The following KCNIP4 variants were observed in gnomAD, a reference collection of about 807,000 sequenced individuals.
KCNIP4 encodes the protein potassium voltage-gated channel interacting protein 4.
In KCNIP4, 12 loss-of-function variants were observed where a neutral mutation model predicts 34.0. The observed-to-expected ratio is 0.35, with a 90% CI of 0.23 to 0.57. KCNIP4 has a LOEUF of 0.57. Ranked by LOEUF, KCNIP4 falls within the 20% of genes least tolerant of loss-of-function variation. The pLI, the probability that KCNIP4 is intolerant of heterozygous loss-of-function variation, is 0.83. For synonymous variants in KCNIP4, 124 were observed against 102.2 expected (o/e 1.21, Z -1.29); for missense variants, 238 against 311.7 (o/e 0.76, Z 1.78).
intron 1 of KCNIP4, among the ~76,000 whole-genome samples, chr4:20,938,079 T>A (rs1731259042): frequency 6.6e-6 from 1 of 152,178 alleles, no homozygotes; most frequent in African/African-American, 2.4e-5. Flanking sequence ...CTCATAAATA[T>A]ACATCTTTAA....
At chr4:20,976,803 A>C (rs1212908950) in intron 1 of KCNIP4, among the ~76,000 whole-genome samples, 2 of 152,172 alleles carry the variant, frequency 1.3e-5, no homozygotes, top group Non-Finnish European at 2.9e-5. Flanking sequence ...AGCACTCTAT[A>C]ATCATGTTTG....
intron 1 of KCNIP4, among the ~76,000 whole-genome samples, chr4:21,554,205 A>C (rs1473679068): frequency 6.6e-6 from 1 of 152,100 alleles, no homozygotes; most frequent in Non-Finnish European, 1.5e-5. Context: ...TATGGGGGAC[A>C]TGTGTTAGAG....
chr4:21,034,448 C>A lies in KCNIP4; in HGVS notation c.62-151739G>T, dbSNP rs115379848. ...TCTGTTTTGTTTCTCCTTTCAAATG[C>A]AGAGTGAATATGATTGGAATGGTCT... On this transcript the variant is annotated intron_variant, in intron 1 of 8. Coordinates refer to ENST00000382152, the MANE Select transcript of KCNIP4 (RefSeq NM_025221.6). Among the ~76,000 whole-genome samples, 139 of 152,284 alleles carry A rather than the reference C, an allele frequency of 9.1e-4. 1 individual carries two copies. Among genetic ancestry groups the A allele is most frequent in the Non-Finnish European group, 1.7e-3 (115 of 68,028 alleles).
intron 1 of KCNIP4, among the ~76,000 whole-genome samples, chr4:21,335,930 C>G (rs995307190): frequency 6.6e-6 from 1 of 152,222 alleles, no homozygotes; most frequent in East Asian, 1.9e-4. Flanking sequence ...TATTAGTACC[C>G]TCTCTACTTT....
chr4:21,573,934 T>A (rs1322751876), intron 1 of KCNIP4, among the ~76,000 whole-genome samples: 2 of 152,182 alleles, frequency 1.3e-5, no homozygotes, highest in Admixed American at 1.3e-4. Flanking sequence ...ATTTTGTTGA[T>A]CTAAAATATT....
chr4:21,724,306 C>T (rs1473293331), intron 1 of KCNIP4, among the ~76,000 whole-genome samples: 1 of 152,028 alleles, frequency 6.6e-6, no homozygotes, highest in Non-Finnish European at 1.5e-5. Flanking sequence ...TAGTTATTCA[C>T]CCACAAAATA....
At chr4:21,190,330 G>T (rs113139739) in intron 1 of KCNIP4, among the ~76,000 whole-genome samples, 1 of 152,046 alleles carries the variant, frequency 6.6e-6, no homozygotes, top group Non-Finnish European at 1.5e-5. Context: ...GTATTGGTTC[G>T]TTGGTATTGG....
intron 1 of KCNIP4, among the ~76,000 whole-genome samples, chr4:21,675,749 G>A (rs142271870): frequency 6.6e-6 from 1 of 152,292 alleles, no homozygotes; most frequent in African/African-American, 2.4e-5. Context: ...ACGGACATAT[G>A]TGTAGTAACT....
At chr4:21,056,076 C>T (rs1743371912) in intron 1 of KCNIP4, among the ~76,000 whole-genome samples, 1 of 152,028 alleles carries the variant, frequency 6.6e-6, no homozygotes, top group African/African-American at 2.4e-5. Context: ...GTGTCTTCCT[C>T]TTCATTTGGC....
At position 21,324,615 on chromosome 4, in the gene KCNIP4, T is replaced by C. The variant is rs911983689; in HGVS notation, c.62-441906A>G. Among the ~76,000 whole-genome samples, 6 of 150,838 alleles carry C rather than the reference T, an allele frequency of 4.0e-5. 1 individual carries two copies. In the Admixed American group the frequency reaches 4.0e-4, roughly 10 times the overall value. On this transcript the variant is annotated intron_variant, in intron 1 of 8. Transcript: ENST00000382152. ...TCTGTTCCATTGCTCTATCTGTCTG[T>C]TTTTATGCCAGTGCCTTACTGTTTT...
chr4:21,613,924 C>T (rs1744376831), intron 1 of KCNIP4, among the ~76,000 whole-genome samples: 1 of 151,440 alleles, frequency 6.6e-6, no homozygotes, highest in Non-Finnish European at 1.5e-5. Context: ...CTGGGCAGAT[C>T]ACCTGAGGTC....
At chr4:20,986,743 C>A (rs1013536251) in intron 1 of KCNIP4, among the ~76,000 whole-genome samples, 12 of 152,150 alleles carry the variant, frequency 7.9e-5, no homozygotes, top group African/African-American at 2.7e-4. Context: ...TTTAAAATTG[C>A]CACATCTCAT....
At chr4:20,784,520 A>G (rs1322156004) in intron 3 of KCNIP4, among the ~76,000 whole-genome samples, 1 of 152,178 alleles carries the variant, frequency 6.6e-6, no homozygotes, top group Non-Finnish European at 1.5e-5. Flanking sequence ...ATTTATTCTT[A>G]AAGGTTGGGA....
intron 1 of KCNIP4, among the ~76,000 whole-genome samples, chr4:21,280,769 C>T (rs1162727958): frequency 6.6e-6 from 1 of 152,084 alleles, no homozygotes; most frequent in African/African-American, 2.4e-5. Flanking sequence ...ACTGGAAAAC[C>T]TACTATTCTA....
At chr4:21,069,293 T>C (rs1211070852) in intron 1 of KCNIP4, among the ~76,000 whole-genome samples, 1 of 152,172 alleles carries the variant, frequency 6.6e-6, no homozygotes, top group Non-Finnish European at 1.5e-5. Flanking sequence ...CACAGCTGCC[T>C]TTTAGAAGCC....
At chr4:21,645,171 T>A (rs1746919813) in intron 1 of KCNIP4, among the ~76,000 whole-genome samples, 1 of 152,144 alleles carries the variant, frequency 6.6e-6, no homozygotes, top group Non-Finnish European at 1.5e-5. Context: ...TGGAATGTGT[T>A]GCAAACATAT....
chr4:21,799,750 C>T (rs1441578770), intron 1 of KCNIP4, among the ~76,000 whole-genome samples: 1 of 152,136 alleles, frequency 6.6e-6, no homozygotes, highest in East Asian at 1.9e-4. Context: ...CACATGTCAA[C>T]CATTTAACAA....
chr4:21,582,220 A>G (rs1338256434), intron 1 of KCNIP4: 2 of 152,034 alleles, frequency 1.3e-5, no homozygotes, highest in Non-Finnish European at 2.9e-5. Context: ...CTTACTAGGT[A>G]ATATTCAAAG....
chr4:20,918,815 C>A (rs1729103176), intron 1 of KCNIP4, among the ~76,000 whole-genome samples: 1 of 152,148 alleles, frequency 6.6e-6, no homozygotes, highest in African/African-American at 2.4e-5. Flanking sequence ...CAGACTCAAT[C>A]CAAATATCCA....
Sources: allele counts gnomAD v4.1 joint callset (sites outside exome capture counted in the v4.1 genomes callset), GRCh38; gene constraint gnomAD v4.1.1; transcripts MANE v1.5; gene names NCBI Gene and HGNC (gene_info 2026-07-23, HGNC 2026-07-21).